HIBCH: variants seen among roughly 807,000 people sequenced by gnomAD.
HIBCH encodes 3-hydroxyisobutyryl-CoA hydrolase, also known as 3-hydroxyisobutyryl-CoA hydrolase, mitochondrial.
In HIBCH, 50 loss-of-function variants were observed where a neutral mutation model predicts 58.2. That is an observed-to-expected ratio of 0.86 (90% CI 0.68 to 1.09). HIBCH has a LOEUF of 1.09. Among genes scored for constraint, HIBCH ranks in the 50% least tolerant of loss-of-function variants. The pLI, the probability that HIBCH is intolerant of heterozygous loss-of-function variation, is 0.00. For missense variants in HIBCH, 450 were observed against 449.7 expected (o/e 1.00, Z -0.01); for synonymous variants, 151 against 146.9 (o/e 1.03, Z -0.20).
At chr2:190,228,469 G>A (rs999623359) in intron 11 of HIBCH, among the ~76,000 whole-genome samples, 3 of 151,626 alleles carry the variant, frequency 2.0e-5, no homozygotes, top group Non-Finnish European at 4.4e-5. Flanking sequence ...GTTAATGGGT[G>A]CAGCACAGCA....
intron 2 of HIBCH, among the ~76,000 whole-genome samples, chr2:190,297,913 ACCC>A (rs1333302542): frequency 1.7e-5 from 1 of 58,032 alleles, no homozygotes; most frequent in African/African-American, 6.6e-5. Flanking sequence ...CTTGCCCCCC[ACCC>A]CCCAACAGGC....
chr2:190,192,452 CTGTG>C (rs147936734), intron 1 of HIBCH, among the ~76,000 whole-genome samples: 13,092 of 145,294 alleles, frequency 0.09, 599 homozygotes, highest in East Asian at 0.16. Flanking sequence ...AATTCAGAAT[CTGTG>C]TGTGTGTGTG....
chr2:190,218,365 A>G (rs1685619645), intron 11 of HIBCH, among the ~76,000 whole-genome samples: 2 of 152,268 alleles, frequency 1.3e-5, no homozygotes, highest in South Asian at 4.2e-4. Context: ...GCAATCCTAT[A>G]TTAATTACCA....
chr2:190,256,204 T>C (rs369856045), intron 7 of HIBCH, among the ~76,000 whole-genome samples: 1 of 152,056 alleles, frequency 6.6e-6, no homozygotes, highest in East Asian at 1.9e-4. Flanking sequence ...AAGATGAGAT[T>C]TGGGTGAGGA....
chr2:190,271,075 T>A (rs1381650819), intron 6 of HIBCH, among the ~76,000 whole-genome samples: 1 of 151,982 alleles, frequency 6.6e-6, no homozygotes, highest in African/African-American at 2.4e-5. Flanking sequence ...TCATCTCCCT[T>A]CACTCTCCCC....
In HIBCH at chr2:190,236,931, T is replaced by A. The variant is rs1559026531; in HGVS notation, c.891+7956A>T. On this transcript the variant is annotated intron_variant, in intron 11 of 13. Coordinates refer to ENST00000359678, the MANE Select transcript of HIBCH (RefSeq NM_014362.4). This position sits in a 1 kb window ranked among gnomAD's most constrained non-coding sequence, Gnocchi z 4.1. ...TCTGTCTACATAAACTGATGCATTT[T>A]CCCCTTTATCATACTCTTTCCCCAA... Among the ~76,000 whole-genome samples the A allele has an allele frequency of 6.6e-6, 1 of 152,070 alleles. No homozygotes were observed. Among genetic ancestry groups the A allele is most frequent in the Non-Finnish European group, 1.5e-5 (1 of 68,000 alleles).
intron 13 of HIBCH, chr2:190,208,618 T>C: frequency 3.7e-6 from 2 of 534,138 alleles, no homozygotes; most frequent in Non-Finnish European, 6.7e-6. Context: ...CAACTATAGG[T>C]TGAGTATTCT....
At chr2:190,245,554 A>C (rs895114100) in intron 10 of HIBCH, among the ~76,000 whole-genome samples, 2 of 152,150 alleles carry the variant, frequency 1.3e-5, no homozygotes, top group African/African-American at 4.8e-5. Flanking sequence ...ATAAAAGTTA[A>C]TTATTATTTT....
chr2:190,274,494 C>A (rs1687494547), intron 6 of HIBCH, among the ~76,000 whole-genome samples: 1 of 152,192 alleles, frequency 6.6e-6, no homozygotes, highest in Non-Finnish European at 1.5e-5. Context: ...ATTCCCACTT[C>A]TCTAGTCATG....
At chr2:190,200,234 A>G, downstream of HIBCH, 1 of 1,059,580 alleles carries the variant, frequency 9.4e-7, no homozygotes, top group South Asian at 1.4e-5. Context: ...AAAAGTACAA[A>G]TAACTATCTG....
chr2:190,251,657 G>T, intron 8 of HIBCH: 1 of 232,032 alleles, frequency 4.3e-6, no homozygotes, highest in Non-Finnish European at 9.3e-6. Context: ...ATCCTGTGCT[G>T]AGAAAATTGG....
chr2:190,303,634 G>C (rs1373376286), intron 2 of HIBCH, among the ~76,000 whole-genome samples: 4 of 152,120 alleles, frequency 2.6e-5, no homozygotes, highest in Non-Finnish European at 4.4e-5. Context: ...CTTCCTCGCA[G>C]AATTCTAAAT....
chr2:190,233,746 A>G (rs1487867431), intron 11 of HIBCH, among the ~76,000 whole-genome samples: 2 of 152,368 alleles, frequency 1.3e-5, no homozygotes, highest in East Asian at 1.9e-4. Context: ...GACTACCCAC[A>G]TGGACGATAA....
chr2:190,280,724 G>A (rs1687684292), intron 6 of HIBCH, among the ~76,000 whole-genome samples: 1 of 152,136 alleles, frequency 6.6e-6, no homozygotes, highest in African/African-American at 2.4e-5. Flanking sequence ...CACTGCACAT[G>A]TGGACAGCCC....
At chr2:190,246,123 G>T in intron 10 of HIBCH, 31 bp downstream of exon 10, 1 of 1,242,600 alleles carries the variant, frequency 8.0e-7, no homozygotes, top group Non-Finnish European at 1.2e-6. Flanking sequence ...CTTTCTAAAG[G>T]AATATATAAC....
chr2:190,238,587 C>G (rs1686353634), intron 11 of HIBCH, among the ~76,000 whole-genome samples: 1 of 152,182 alleles, frequency 6.6e-6, no homozygotes, highest in Admixed American at 6.5e-5. Context: ...GCCTCAGCCT[C>G]CACAGTAGCT....
At chr2:190,246,665 CTGT>C (rs1261801310) in intron 9 of HIBCH, among the ~76,000 whole-genome samples, 1 of 152,154 alleles carries the variant, frequency 6.6e-6, no homozygotes, top group African/African-American at 2.4e-5. Context: ...AATTAGGTTT[CTGT>C]TGTTGTTTTA....
intron 11 of HIBCH, among the ~76,000 whole-genome samples, chr2:190,226,561 C>G (rs1685903040): frequency 7.3e-6 from 1 of 137,248 alleles, no homozygotes; most frequent in Admixed American, 8.3e-5. Context: ...TGCCACCGCA[C>G]TCCAGCCTGG....
chr2:190,266,913 C>T (rs1277724401), intron 6 of HIBCH, among the ~76,000 whole-genome samples: 3 of 151,310 alleles, frequency 2.0e-5, no homozygotes, highest in Non-Finnish European at 4.4e-5. Context: ...CCCACCACCA[C>T]ACCAGGCTAG....
Sources: allele counts gnomAD v4.1 joint callset (sites outside exome capture counted in the v4.1 genomes callset), GRCh38; gene constraint gnomAD v4.1.1; non-coding constraint Gnocchi (gnomAD v3.1); transcripts MANE v1.5; gene names NCBI Gene and HGNC (gene_info 2026-07-23, HGNC 2026-07-21).